Variants in HMSD observed in about 807,000 individuals in gnomAD.
HMSD encodes the protein serpin-like protein HMSD.
In HMSD, 13 loss-of-function variants were observed where a neutral mutation model predicts 10.0. The ratio of observed to expected loss-of-function variants is 1.31; its 90% CI spans 0.85 to 2.08. The LOEUF (loss-of-function observed/expected upper bound fraction) is 2.08. Ranked by LOEUF, HMSD falls within the 30% of genes most tolerant of loss-of-function variation. The pLI is 0.00. For synonymous variants in HMSD, 51 were observed against 54.2 expected, an observed-to-expected ratio of 0.94 and a Z score of 0.26; for missense variants, 169 against 166.3, an observed-to-expected ratio of 1.02 and a Z score of -0.09.
At chr18:63,951,403 G>A (rs529249093) in intron 1 of HMSD, among the ~76,000 whole-genome samples, 1 of 152,118 alleles carries the variant, frequency 6.6e-6, no homozygotes, top group Admixed American at 6.6e-5. Context: ...ATTCTGCTTC[G>A]GGAATGAAAA....
At chr18:63,959,910 T>G (rs2050377219) in intron 3 of HMSD, among the ~76,000 whole-genome samples, 2 of 152,198 alleles carry the variant, frequency 1.3e-5, no homozygotes, top group African/African-American at 4.8e-5. Flanking sequence ...GTACTGCCAC[T>G]CTCATGAAGG....
Position 63,954,497 on chromosome 18 carries a change from TGA to T in HMSD, c.163_164del (p.Glu55IlefsTer4). ...TTGTTGCAATTAACAGAACTGACAC[TGA>T]ATATGTGCTTAGAACTGCCAACGGG... ...LLVAINRTDT[E>X]YVLRTANGLF... On this transcript the variant is annotated frameshift_variant, in exon 3 of 4. Coordinates refer to ENST00000408945, the MANE Select transcript of HMSD (RefSeq NM_001123366.2). LOFTEE classifies it high-confidence loss of function. 1 of 1,613,714 alleles carries T rather than the reference TGA, an allele frequency of 6.2e-7. No individual in the cohort carries two copies.
downstream of HMSD, among the ~76,000 whole-genome samples, chr18:63,965,052 A>G (rs1056397358): frequency 6.6e-6 from 1 of 152,230 alleles, no homozygotes; most frequent in African/African-American, 2.4e-5. Context: ...TCTCTGATGT[A>G]GTTTGTTTGC....
chr18:63,960,646 G>T lies in HMSD; in HGVS notation c.*291G>T. ...TTGAAATGCAACTGCTGTGATCAGT[G>T]ATAAGGGAACACACTGATGATTTAG... On this transcript the variant is annotated 3_prime_UTR_variant, in exon 4 of 4. Coordinates refer to ENST00000408945, the MANE Select transcript of HMSD (RefSeq NM_001123366.2). The T allele has an allele frequency of 3.2e-6, 1 of 308,228 alleles. No individual in the cohort carries two copies. The highest frequency in any genetic ancestry group is 6.0e-6 in the Non-Finnish European group (1 of 165,582). 19.1% of individuals were successfully genotyped at this position (308,228 alleles called of 1,614,324 possible).
chr18:63,950,858 A>G (rs2050326959), intron 1 of HMSD, among the ~76,000 whole-genome samples: 1 of 152,198 alleles, frequency 6.6e-6, no homozygotes, highest in African/African-American at 2.4e-5. Flanking sequence ...CCATGTCCCA[A>G]CCATCAATCT....
rs1294079444 is a variant in HMSD at position 63,954,521 on chromosome 18, CG to C, written c.189del (p.Leu64SerfsTer25). On this transcript the variant is annotated frameshift_variant, in exon 3 of 4. Transcript: ENST00000408945. LOFTEE classifies it high-confidence loss of function. ...CTGAATATGTGCTTAGAACTGCCAA[CG>C]GGCTCTTTGGAGAAAAGTCTTATGA... is the stretch of plus-strand genomic sequence containing the variant. ...DTEYVLRTAN[G>X]LFGEKSYDFL... 1 of 1,612,286 alleles carries C rather than the reference CG, an allele frequency of 6.2e-7. No individual in the cohort carries two copies. The highest frequency in any genetic ancestry group is 8.5e-7 in the Non-Finnish European group (1 of 1,178,862).
At chr18:63,966,406 G>A (rs905978344), downstream of HMSD, 1 of 152,184 alleles carries the variant, frequency 6.6e-6, no homozygotes, top group African/African-American at 2.4e-5. Flanking sequence ...AAAGAGAAGT[G>A]GTGGGAGAAC....
downstream of HMSD, chr18:63,966,323 G>A (rs2050409558): frequency 6.6e-6 from 1 of 152,228 alleles, no homozygotes; most frequent in Admixed American, 6.5e-5. Flanking sequence ...GACAGAAGCA[G>A]ATCCTGTAAA....
At chr18:63,957,871 T>C (rs996144873) in intron 3 of HMSD, among the ~76,000 whole-genome samples, 8 of 152,212 alleles carry the variant, frequency 5.3e-5, no homozygotes, top group African/African-American at 1.9e-4. Flanking sequence ...AAGAATCCCA[T>C]ACCAATAGCA....
At chr18:63,956,156 G>A (rs147940324) in intron 3 of HMSD, among the ~76,000 whole-genome samples, 76 of 152,254 alleles carry the variant, frequency 5.0e-4, no homozygotes, top group East Asian at 3.9e-4. Flanking sequence ...CTGGACACAG[G>A]ATTTGGCAAA....
chr18:63,966,197 A>G (rs2050408963), downstream of HMSD, among the ~76,000 whole-genome samples: 1 of 152,180 alleles, frequency 6.6e-6, no homozygotes, highest in African/African-American at 2.4e-5. Flanking sequence ...CCCAAACCAC[A>G]GCCATTATGT....
chr18:63,963,089 CT>C (rs879387269), downstream of HMSD, among the ~76,000 whole-genome samples: 1 of 120,962 alleles, frequency 8.3e-6, no homozygotes, highest in Non-Finnish European at 1.7e-5. Flanking sequence ...TTCTTTCTTT[CT>C]TTCTTTCTTT....
downstream of HMSD, among the ~76,000 whole-genome samples, chr18:63,965,945 G>A (rs2050407681): frequency 6.6e-6 from 1 of 152,160 alleles, no homozygotes. Flanking sequence ...GGTCAAAGGG[G>A]ATGCAGGCAC....
downstream of HMSD, among the ~76,000 whole-genome samples, chr18:63,963,685 G>A (rs1019806978): frequency 1.3e-5 from 2 of 152,214 alleles, no homozygotes; most frequent in African/African-American, 2.4e-5. Flanking sequence ...AGGCTTGCCT[G>A]AGAACTCCAT....
chr18:63,952,439 C>T (rs1438893517), intron 1 of HMSD, among the ~76,000 whole-genome samples: 1 of 152,134 alleles, frequency 6.6e-6, no homozygotes, highest in Non-Finnish European at 1.5e-5. Context: ...ATTAGAATTA[C>T]TCATTATCCA....
Position 63,960,452 on chromosome 18 carries a change from T to A in HMSD, c.*97T>A. 2.1e-6 allele frequency: 3 copies of A among 1,459,124 alleles called. No individual in the cohort carries two copies. Among genetic ancestry groups the A allele is most frequent in the Non-Finnish European group, 2.7e-6 (3 of 1,111,854 alleles). 90.4% of individuals were successfully genotyped at this position (1,459,124 alleles called of 1,614,324 possible). A position where few individuals can be genotyped will look rare whatever the true frequency, so the allele number is the denominator to read the frequency against. On this transcript the variant is annotated 3_prime_UTR_variant, in exon 4 of 4. Transcript: ENST00000408945. ...AGACCTTTTCTCTAGCTTTAGCTTT[T>A]CCCTTATCAAGTATCTGTGATGTCT...
downstream of HMSD, among the ~76,000 whole-genome samples, chr18:63,963,091 T>TTTCTTTC (rs1568261297): frequency 2.4e-5 from 3 of 123,814 alleles, no homozygotes; most frequent in Admixed American, 7.5e-5. Flanking sequence ...CTTTCTTTCT[T>TTTCTTTC]TCTTTCTTTC....
At chr18:63,962,023 A>C (rs1366223158), downstream of HMSD, among the ~76,000 whole-genome samples, 3 of 152,222 alleles carry the variant, frequency 2.0e-5, no homozygotes, top group African/African-American at 7.2e-5. Flanking sequence ...TACACTATGT[A>C]GTGTTTCTTG....
downstream of HMSD, among the ~76,000 whole-genome samples, chr18:63,964,739 C>G (rs1346532644): frequency 6.6e-6 from 1 of 152,088 alleles, no homozygotes; most frequent in African/African-American, 2.4e-5. Context: ...TCTTTTAATG[C>G]CACTAATTTC....
Sources: allele counts gnomAD v4.1 joint callset (sites outside exome capture counted in the v4.1 genomes callset), GRCh38; gene constraint gnomAD v4.1.1; transcripts MANE v1.5; gene names NCBI Gene and HGNC (gene_info 2026-07-23, HGNC 2026-07-21).